The following BDP1 variants were observed in gnomAD, a reference collection of about 807,000 sequenced individuals.
The protein encoded by BDP1 is transcription factor TFIIIB component B'' homolog.
BDP1 carries 169 observed loss-of-function variants against 266.6 expected under a neutral mutation model. That is an observed-to-expected ratio of 0.63 (90% CI 0.56 to 0.72). BDP1 has a LOEUF of 0.72. BDP1 is among the 30% of genes least tolerant of loss of function. The pLI is 0.00. For missense variants in BDP1, 3,015 were observed against 3,053.8 expected (o/e 0.99, Z 0.30); for synonymous variants, 1,090 against 1,022.4 (o/e 1.07, Z -1.26).
intron 7 of BDP1, among the ~76,000 whole-genome samples, chr5:71,481,415 A>G: frequency 7.3e-6 from 1 of 137,276 alleles, no homozygotes; most frequent in South Asian, 2.4e-4. Context: ...AAAAAAAAAA[A>G]GCCAGGCTTG....
intron 7 of BDP1, among the ~76,000 whole-genome samples, chr5:71,481,789 T>C (rs1580031739): frequency 6.6e-6 from 1 of 152,218 alleles, no homozygotes; most frequent in African/African-American, 2.4e-5. Context: ...AACAGTCTCA[T>C]GGTAGGCATG....
At chr5:71,570,732 G>A (rs1000526929), downstream of BDP1, among the ~76,000 whole-genome samples, 1 of 152,206 alleles carries the variant, frequency 6.6e-6, no homozygotes, top group African/African-American at 2.4e-5. Flanking sequence ...CTAATTCCTT[G>A]GCAGTACCTC....
chr5:71,541,960 T>C (rs1461753152), intron 29 of BDP1, 145 bp from the exon 30 acceptor site: 3 of 654,612 alleles, frequency 4.6e-6, no homozygotes, highest in African/African-American at 1.9e-5. Context: ...GTTACTACTT[T>C]GTAATTTTAG....
At chr5:71,479,317 A>G (rs1467607199) in intron 7 of BDP1, among the ~76,000 whole-genome samples, 1 of 152,000 alleles carries the variant, frequency 6.6e-6, no homozygotes, top group African/African-American at 2.4e-5. Context: ...CTGGGATTAC[A>G]GGTGTGAGCC....
In BDP1 at chr5:71,463,526, A is replaced by G. The variant is rs543440318; in HGVS notation, c.600-532A>G. 2.4e-3 allele frequency among the ~76,000 whole-genome samples: 371 copies of G among 152,270 alleles called. 4 individuals are homozygous for G. The highest frequency in any genetic ancestry group is 2.6e-3 in the Non-Finnish European group (175 of 68,030). On this transcript the variant is annotated intron_variant, in intron 3 of 38. Coordinates refer to ENST00000358731, the MANE Select transcript of BDP1 (RefSeq NM_018429.3). The stretch of plus-strand genomic sequence containing the variant: ...CCTCCTTTCACTGAGAAGTTAGAGG[A>G]TAAGAACATTCTCTGTTGGGCGTGG...
intron 7 of BDP1, among the ~76,000 whole-genome samples, chr5:71,477,608 T>A (rs1322740705): frequency 6.6e-6 from 1 of 151,468 alleles, no homozygotes; most frequent in East Asian, 1.9e-4. Context: ...CTGACCCATG[T>A]TCAGACAAAT....
At chr5:71,549,373 T>TA (rs1742581290) in intron 33 of BDP1, 47 bp from the exon 34 acceptor site, 1 of 1,405,204 alleles carries the variant, frequency 7.1e-7, no homozygotes, top group Admixed American at 2.0e-5. Flanking sequence ...GATACTCTGT[T>TA]ATTTCATAGT....
At chr5:71,466,283 T>G in intron 5 of BDP1, 62 bp downstream of exon 5, 1 of 1,582,972 alleles carries the variant, frequency 6.3e-7, no homozygotes, top group Non-Finnish European at 8.6e-7. Context: ...CTTTGTCTAG[T>G]GAAAGAGGTC....
At chr5:71,534,206 G>T (rs1766439468) in intron 26 of BDP1, among the ~76,000 whole-genome samples, 1 of 152,164 alleles carries the variant, frequency 6.6e-6, no homozygotes, top group South Asian at 2.1e-4. Flanking sequence ...TCTTCTAAAA[G>T]ATGATTTTTG....
downstream of BDP1, among the ~76,000 whole-genome samples, chr5:71,570,747 C>G (rs1744238802): frequency 6.6e-6 from 1 of 152,228 alleles, no homozygotes; most frequent in African/African-American, 2.4e-5. Context: ...TACCTCTCAC[C>G]ATCATCTCCA....
chr5:71,519,568 T>C (rs1322865609), intron 22 of BDP1, among the ~76,000 whole-genome samples: 1 of 152,262 alleles, frequency 6.6e-6, no homozygotes, highest in Non-Finnish European at 1.5e-5. Context: ...ATATTTGTCT[T>C]TCTGTGCCTG....
chr5:71,550,958 G>C (rs943122028), intron 34 of BDP1, among the ~76,000 whole-genome samples: 1 of 152,020 alleles, frequency 6.6e-6, no homozygotes, highest in East Asian at 1.9e-4. Context: ...CACCTGCCTC[G>C]GTCTCCCAAA....
intron 30 of BDP1, among the ~76,000 whole-genome samples, chr5:71,542,657 C>T (rs957784872): frequency 4.0e-5 from 6 of 151,838 alleles, no homozygotes; most frequent in Admixed American, 2.6e-4. Flanking sequence ...GAGTTCGAGG[C>T]CAGCCTGGAC....
At chr5:71,516,372 T>C in intron 21 of BDP1, 101 bp downstream of exon 21, 1 of 851,654 alleles carries the variant, frequency 1.2e-6, no homozygotes, top group Non-Finnish European at 1.8e-6. Context: ...TGACACTTAT[T>C]CTACTCAATG....
intron 4 of BDP1, 49 bp downstream of exon 4, chr5:71,464,166 A>G (rs1761751856): frequency 9.0e-7 from 1 of 1,109,038 alleles, no homozygotes; most frequent in Non-Finnish European, 1.3e-6. Context: ...TTTTTAAGAA[A>G]TGAGATCAAA....
rs141137715 is a variant in BDP1 at position 71,476,814 on chromosome 5, C to T, written c.1014+6325C>T. 5.5e-3 allele frequency among the ~76,000 whole-genome samples: 831 copies of T among 152,274 alleles called. 8 individuals are homozygous for T. The highest frequency in any genetic ancestry group is 0.019 in the African/African-American group (797 of 41,564). On this transcript the variant is annotated intron_variant, in intron 7 of 38. Coordinates refer to ENST00000358731, the MANE Select transcript of BDP1 (RefSeq NM_018429.3). ...CGCCTCCCGGGTTCACACCATTCTCCTGCCTCAGCCTTCCGAGTAGCTGGG... is the reference window on the plus strand; with the variant it reads ...CGCCTCCCGGGTTCACACCATTCTCTTGCCTCAGCCTTCCGAGTAGCTGGG...
chr5:71,558,194 A>T (rs921574884), intron 36 of BDP1, among the ~76,000 whole-genome samples: 4 of 152,218 alleles, frequency 2.6e-5, no homozygotes, highest in African/African-American at 4.8e-5. Context: ...TAGAGTTACA[A>T]GATAGAGAAG....
In BDP1 at chr5:71,553,364, G is replaced by A. The variant is rs1199789789; in HGVS notation, c.7200+44G>A. 3.0e-6 allele frequency: 4 copies of A among 1,352,992 alleles called. No homozygotes were observed. The African/African-American group carries it at 5.8e-5, about 20-fold the overall frequency. The allele number at this position is 1,352,992 out of a possible 1,614,324, so 83.8% of individuals were successfully genotyped here. On this transcript the variant is annotated intron_variant, in intron 35 of 38. Transcript: ENST00000358731. Reference sequence around the variant, plus strand: ...ACCACTCAATATGGCCATTAAGTAAGATGGCCATATTGCAACAGATCTGTT... The same window carrying A: ...ACCACTCAATATGGCCATTAAGTAAAATGGCCATATTGCAACAGATCTGTT...
chr5:71,506,814 CA>C (rs1561721893), intron 16 of BDP1, among the ~76,000 whole-genome samples: 241 of 142,838 alleles, frequency 1.7e-3, no homozygotes, highest in African/African-American at 5.4e-3. Context: ...CACACACACA[CA>C]CACACACACC....
Sources: gnomAD v4.1 joint callset for allele counts (sites outside exome capture counted in the v4.1 genomes callset) on GRCh38, gnomAD v4.1.1 for gene constraint, MANE v1.5 for transcripts, NCBI Gene and HGNC (gene_info 2026-07-23, HGNC 2026-07-21) for gene names.